MCF2L2: variants seen among roughly 807,000 people sequenced by gnomAD.
MCF2L2 encodes probable guanine nucleotide exchange factor MCF2L2.
In MCF2L2, 102 loss-of-function variants were observed where a neutral mutation model predicts 150.2. That is an observed-to-expected ratio of 0.68 (90% CI 0.58 to 0.80). MCF2L2 has a LOEUF of 0.80. MCF2L2 is among the 30% of genes least tolerant of loss of function. The probability of loss-of-function intolerance (pLI) is 0.00; values close to 1 mark genes in which losing one functional copy is unlikely to be tolerated. For synonymous variants in MCF2L2, 465 were observed against 491.3 expected (o/e 0.95, Z 0.71); for missense variants, 1,256 against 1,372.8 (o/e 0.91, Z 1.34).
intron 10 of MCF2L2, among the ~76,000 whole-genome samples, chr3:183,308,621 G>GCAGCTCAGAATCTACAACCAACA (rs1182265122): frequency 1.3e-5 from 2 of 152,194 alleles, no homozygotes; most frequent in Non-Finnish European, 2.9e-5. Context: ...ACAAGCACCT[G>GCAGCTCAGAATCTACAACCAACA]CAGCTCAGAA....
At chr3:183,281,644 GA>G (rs1174135125) in intron 14 of MCF2L2, among the ~76,000 whole-genome samples, 3 of 152,128 alleles carry the variant, frequency 2.0e-5, no homozygotes, top group Non-Finnish European at 4.4e-5. Context: ...GCATTGTGGT[GA>G]ACTAGCTCAG....
intron 3 of MCF2L2, 101 bp from the exon 4 acceptor site, chr3:183,341,731 G>A: frequency 5.1e-6 from 4 of 789,098 alleles, no homozygotes; most frequent in South Asian, 4.3e-5. Flanking sequence ...AGCACTCCAG[G>A]CTCACCGTGT....
chr3:183,295,520 A>G (rs982212506), intron 12 of MCF2L2, 43 bp from the exon 13 acceptor site: 3 of 1,588,950 alleles, frequency 1.9e-6, no homozygotes, highest in Admixed American at 1.7e-5. Flanking sequence ...GTCTCTCTGT[A>G]TACAGCCTGA....
At chr3:183,332,125 T>C (rs1730296054) in intron 5 of MCF2L2, among the ~76,000 whole-genome samples, 4 of 152,120 alleles carry the variant, frequency 2.6e-5, no homozygotes, top group Admixed American at 6.5e-5. Flanking sequence ...GTTTTAAAAA[T>C]AAAGAAGATA....
intron 5 of MCF2L2, among the ~76,000 whole-genome samples, chr3:183,330,538 G>A (rs915151281): frequency 4.6e-5 from 7 of 152,138 alleles, no homozygotes; most frequent in African/African-American, 1.7e-4. Context: ...GAGTGAGGAA[G>A]TTTTGCGTGG....
At chr3:183,273,650 T>G (rs1425486909) in intron 15 of MCF2L2, among the ~76,000 whole-genome samples, 1 of 152,222 alleles carries the variant, frequency 6.6e-6, no homozygotes, top group Non-Finnish European at 1.5e-5. Context: ...CCCATGAAAT[T>G]GTAATGGAAC....
chr3:183,335,099 CAG>C (rs1560027019), intron 5 of MCF2L2, among the ~76,000 whole-genome samples: 1 of 143,122 alleles, frequency 7.0e-6, no homozygotes, highest in Admixed American at 7.1e-5. Flanking sequence ...GCCTGGGCAA[CAG>C]AGAGAGACTC....
At chr3:183,359,613 G>A (rs1712006221) in intron 3 of MCF2L2, among the ~76,000 whole-genome samples, 1 of 152,178 alleles carries the variant, frequency 6.6e-6, no homozygotes, top group Non-Finnish European at 1.5e-5. Context: ...ATTCAGCCAT[G>A]AACAAGGTAC....
At position 183,276,863 on chromosome 3, in the gene MCF2L2, C is replaced by A. The variant is rs765893830; in HGVS notation, c.1862+9G>T. On this transcript the variant is annotated intron_variant, in intron 15 of 29. Transcript: ENST00000328913. ...CTCGCCCCCTGCACCCACGGATGTG[C>A]AGTCTTACCTGCGGGGGGAAAGGTC... 1.2e-6 allele frequency: 2 copies of A among 1,602,210 alleles called. No individual in the cohort carries two copies. The highest frequency in any genetic ancestry group is 2.7e-5 in the African/African-American group (2 of 74,822).
intron 15 of MCF2L2, among the ~76,000 whole-genome samples, chr3:183,257,486 TA>T (rs1489362041): frequency 3.9e-5 from 6 of 152,354 alleles, no homozygotes; most frequent in African/African-American, 1.4e-4. Flanking sequence ...ATATACGTAT[TA>T]ACCTACTTTC....
In MCF2L2 at chr3:183,305,781, G is replaced by A. The variant is rs528754642; in HGVS notation, c.1113+3935C>T. 9.7e-4 allele frequency among the ~76,000 whole-genome samples: 147 copies of A among 152,216 alleles called. No homozygotes were observed. Among genetic ancestry groups the A allele is most frequent in the African/African-American group, 1.9e-3 (77 of 41,524 alleles). ...GAAGAATCGCTTGAACCCAGGAGGCGGAGGTTGCAGTGAGCTGAGATTGTG... is the reference window on the plus strand; with the variant it reads ...GAAGAATCGCTTGAACCCAGGAGGCAGAGGTTGCAGTGAGCTGAGATTGTG... On this transcript the variant is annotated intron_variant, in intron 10 of 29. Transcript: ENST00000328913. This position sits in a 1 kb window ranked among gnomAD's most constrained non-coding sequence, Gnocchi z 4.1.
At chr3:183,396,834 A>G (rs1462156876) in intron 1 of MCF2L2, among the ~76,000 whole-genome samples, 1 of 152,190 alleles carries the variant, frequency 6.6e-6, no homozygotes. Flanking sequence ...GGAAGACAGA[A>G]ACATGGAGAA....
Position 183,270,979 on chromosome 3 carries a change from C to A in MCF2L2, c.1862+5893G>T, listed in dbSNP as rs1479532804. The stretch of plus-strand genomic sequence containing the variant: ...TGTTTTCACTGTCACTGAGTCAAAC[C>A]TGGATGAAAAAAACCTTTAAATGTT... On this transcript the variant is annotated intron_variant, in intron 15 of 29. Transcript: ENST00000328913. The surrounding 1 kb of genome is among the most constrained non-coding windows in gnomAD (Gnocchi z 4.5). 6.7e-7 allele frequency: 1 copy of A among 1,497,308 alleles called. No individual in the cohort carries two copies. The highest frequency in any genetic ancestry group is 1.4e-5 in the African/African-American group (1 of 71,018). 92.8% of individuals were successfully genotyped at this position (1,497,308 alleles called of 1,614,324 possible). A position where few individuals can be genotyped will look rare whatever the true frequency, so the allele number is the denominator to read the frequency against.
At chr3:183,403,005 G>T (rs1714852946) in intron 1 of MCF2L2, among the ~76,000 whole-genome samples, 1 of 152,110 alleles carries the variant, frequency 6.6e-6, no homozygotes, top group South Asian at 2.1e-4. Flanking sequence ...ACGAGGCCAG[G>T]TGCAGTGGCT....
chr3:183,385,236 T>A (rs58700922), intron 2 of MCF2L2, among the ~76,000 whole-genome samples: 7,549 of 152,312 alleles, frequency 0.05, 653 homozygotes, highest in African/African-American at 0.17. Flanking sequence ...TACCATAAAA[T>A]TTTAAAGTAC....
chr3:183,324,710 G>A (rs981491270), intron 5 of MCF2L2, among the ~76,000 whole-genome samples: 1 of 151,922 alleles, frequency 6.6e-6, no homozygotes, highest in Non-Finnish European at 1.5e-5. Flanking sequence ...TCCAGACTGG[G>A]TGATAGAGGG....
rs1235510151 is a variant in MCF2L2 at position 183,428,619 on chromosome 3, T to C, written c.-642A>G. ...AACCGTGGGGCGGGGAGACAGTGAC[T>C]GAGGCGCTCCAGTCGCACCGGGGTC... is the stretch of plus-strand genomic sequence containing the variant. On this transcript the variant is annotated 5_prime_UTR_variant, in exon 1 of 30. Coordinates refer to ENST00000328913, the MANE Select transcript of MCF2L2 (RefSeq NM_015078.4). The surrounding 1 kb of genome is among the most constrained non-coding windows in gnomAD (Gnocchi z 5.1). 1 of 152,174 alleles carries C rather than the reference T, an allele frequency of 6.6e-6. No homozygotes were observed. Among genetic ancestry groups the C allele is most frequent in the Non-Finnish European group, 1.5e-5 (1 of 68,044 alleles). 9.4% of individuals were successfully genotyped at this position (152,174 alleles called of 1,614,324 possible). A position where few individuals can be genotyped will look rare whatever the true frequency, so the allele number is the denominator to read the frequency against.
At chr3:183,419,070 A>G (rs1330395469) in intron 1 of MCF2L2, among the ~76,000 whole-genome samples, 1 of 152,196 alleles carries the variant, frequency 6.6e-6, no homozygotes, top group Non-Finnish European at 1.5e-5. Flanking sequence ...AGGTTTCCCA[A>G]ACCTCACCTC....
At chr3:183,389,579 G>A in intron 2 of MCF2L2, 117 bp downstream of exon 2, 1 of 834,642 alleles carries the variant, frequency 1.2e-6, no homozygotes, top group Non-Finnish European at 2.0e-6. Context: ...AGTCCCGGGT[G>A]AAGCCTAAGG....
Sources: allele counts gnomAD v4.1 joint callset (sites outside exome capture counted in the v4.1 genomes callset), GRCh38; gene constraint gnomAD v4.1.1; non-coding constraint Gnocchi (gnomAD v3.1); transcripts MANE v1.5; gene names NCBI Gene and HGNC (gene_info 2026-07-23, HGNC 2026-07-21).